YAF2: variants seen among roughly 807,000 people sequenced by gnomAD.
The protein encoded by YAF2 is YY1 associated factor 2.
Under a neutral mutation model 20.1 loss-of-function variants are expected in YAF2, and 7 were observed. The observed-to-expected ratio is 0.35, with a 90% CI of 0.20 to 0.65. The LOEUF (loss-of-function observed/expected upper bound fraction) is 0.65. Among genes scored for constraint, YAF2 ranks in the 30% least tolerant of loss-of-function variants. The pLI, the probability that YAF2 is intolerant of heterozygous loss-of-function variation, is 0.69. For missense variants in YAF2, 151 were observed against 219.2 expected, an observed-to-expected ratio of 0.69 and a Z score of 1.96; for synonymous variants, 74 against 76.0, an observed-to-expected ratio of 0.97 and a Z score of 0.14.
At chr12:42,235,203 T>C (rs1160087171) in intron 2 of YAF2, 1 of 991,088 alleles carries the variant, frequency 1.0e-6, no homozygotes, top group Non-Finnish European at 1.2e-6. Flanking sequence ...GCAAACTGCA[T>C]CCTTCTGCTC....
intron 2 of YAF2, among the ~76,000 whole-genome samples, chr12:42,196,149 G>A (rs1342094360): frequency 6.8e-6 from 1 of 147,698 alleles, no homozygotes; most frequent in African/African-American, 2.5e-5. Context: ...TTGAGCCCAA[G>A]AGGTGGAGGT....
chr12:42,218,449 T>C (rs948614464), intron 2 of YAF2, among the ~76,000 whole-genome samples: 1 of 152,194 alleles, frequency 6.6e-6, no homozygotes. Flanking sequence ...TTGCCTATTT[T>C]ATTGTGTAAA....
At chr12:42,229,432 A>AC (rs886265933) in intron 2 of YAF2, among the ~76,000 whole-genome samples, 8 of 151,544 alleles carry the variant, frequency 5.3e-5, no homozygotes, top group Admixed American at 1.3e-4. Flanking sequence ...AAAAAAAAAA[A>AC]AAAACATTTA....
rs146054373 is a variant in YAF2 at position 42,218,472 on chromosome 12, T to C, written c.152+19127A>G. 5.0e-4 allele frequency among the ~76,000 whole-genome samples: 76 copies of C among 152,168 alleles called. 2 individuals carry two copies. Among genetic ancestry groups the C allele is most frequent in the African/African-American group, 1.8e-3 (75 of 41,444 alleles). On this transcript the variant is annotated intron_variant, in intron 2 of 3. Coordinates refer to ENST00000534854, the MANE Select transcript of YAF2 (RefSeq NM_005748.6). Reference sequence around the variant, plus strand: ...TTTATTGTGTAAAGTGGCCTATGAATTGTTGTTTTTATCTGTTTCTCAAAT... The same window carrying C: ...TTTATTGTGTAAAGTGGCCTATGAACTGTTGTTTTTATCTGTTTCTCAAAT...
chr12:42,230,998 C>T (rs1197267830), intron 2 of YAF2, among the ~76,000 whole-genome samples: 1 of 152,108 alleles, frequency 6.6e-6, no homozygotes, highest in East Asian at 1.9e-4. Context: ...AAAAGAATAC[C>T]TGCTGAAGTA....
intron 2 of YAF2, among the ~76,000 whole-genome samples, chr12:42,169,183 G>A (rs1486631350): frequency 6.6e-6 from 1 of 152,122 alleles, no homozygotes; most frequent in Non-Finnish European, 1.5e-5. Context: ...AAAACCAAAA[G>A]ACAGCTTTCA....
intron 2 of YAF2, among the ~76,000 whole-genome samples, chr12:42,227,208 G>A (rs998449436): frequency 6.9e-4 from 98 of 142,030 alleles, no homozygotes; most frequent in Middle Eastern, 7.1e-3. Flanking sequence ...AGGAGCAGCC[G>A]CCTGCCTTGG....
intron 2 of YAF2, among the ~76,000 whole-genome samples, chr12:42,169,106 C>T (rs1353815572): frequency 6.6e-6 from 1 of 152,152 alleles, no homozygotes; most frequent in Non-Finnish European, 1.5e-5. Context: ...TCCTTGTCTT[C>T]ACTTCTACCT....
intron 2 of YAF2, among the ~76,000 whole-genome samples, chr12:42,223,023 A>C (rs1337921182): frequency 6.6e-6 from 1 of 151,598 alleles, no homozygotes; most frequent in Non-Finnish European, 1.5e-5. Flanking sequence ...TCACTTGTGC[A>C]GTGCTTTACT....
At chr12:42,207,662 G>A (rs1350596220) in intron 2 of YAF2, among the ~76,000 whole-genome samples, 4 of 152,206 alleles carry the variant, frequency 2.6e-5, no homozygotes, top group Admixed American at 6.5e-5. Context: ...GGAGGCCGAG[G>A]CGGGCAGATC....
At chr12:42,193,841 G>A (rs1394378457) in intron 2 of YAF2, among the ~76,000 whole-genome samples, 4 of 152,100 alleles carry the variant, frequency 2.6e-5, no homozygotes, top group East Asian at 1.9e-4. Flanking sequence ...CTCCATGCAT[G>A]TTATTACTCC....
chr12:42,187,644 T>C (rs1592202684), intron 2 of YAF2, among the ~76,000 whole-genome samples: 1 of 152,314 alleles, frequency 6.6e-6, no homozygotes, highest in Non-Finnish European at 1.5e-5. Context: ...TTCTCTTTTA[T>C]AAAACAGTAA....
At chr12:42,226,870 C>T (rs1370338809) in intron 2 of YAF2, among the ~76,000 whole-genome samples, 1 of 150,618 alleles carries the variant, frequency 6.6e-6, no homozygotes, top group African/African-American at 2.4e-5. Flanking sequence ...CCGGAGGCCC[C>T]AGAAGGCTCG....
intron 2 of YAF2, among the ~76,000 whole-genome samples, chr12:42,226,818 T>C (rs956741989): frequency 1.3e-5 from 2 of 152,026 alleles, no homozygotes; most frequent in Non-Finnish European, 2.9e-5. Context: ...GAAACATTAA[T>C]TGAAAACATT....
At chr12:42,179,831 T>C (rs1220727410) in intron 2 of YAF2, among the ~76,000 whole-genome samples, 4 of 144,994 alleles carry the variant, frequency 2.8e-5, no homozygotes, top group Non-Finnish European at 3.0e-5. Flanking sequence ...TATTAAAAGA[T>C]GTTATTTGAT....
chr12:42,236,167 A>T (rs959518338), intron 2 of YAF2, among the ~76,000 whole-genome samples: 1 of 152,230 alleles, frequency 6.6e-6, no homozygotes, highest in Non-Finnish European at 1.5e-5. Flanking sequence ...AAAATTGCTT[A>T]TTGAGCATTT....
intron 2 of YAF2, among the ~76,000 whole-genome samples, chr12:42,204,997 T>C (rs1170078911): frequency 6.6e-6 from 1 of 151,958 alleles, no homozygotes; most frequent in African/African-American, 2.4e-5. Flanking sequence ...ACCTACTGAA[T>C]TGTACATTTT....
At chr12:42,196,677 A>G (rs749434961) in intron 2 of YAF2, among the ~76,000 whole-genome samples, 1 of 152,260 alleles carries the variant, frequency 6.6e-6, no homozygotes, top group Non-Finnish European at 1.5e-5. Context: ...TAAATGGTGC[A>G]AACTGTTGCA....
chr12:42,169,284 T>G (rs1170737989), intron 2 of YAF2, among the ~76,000 whole-genome samples: 1 of 152,234 alleles, frequency 6.6e-6, no homozygotes, highest in Non-Finnish European at 1.5e-5. Flanking sequence ...TTATTCCTCT[T>G]CCTACCTTCT....
Sources: gnomAD v4.1 joint callset for allele counts (sites outside exome capture counted in the v4.1 genomes callset) on GRCh38, gnomAD v4.1.1 for gene constraint, MANE v1.5 for transcripts, NCBI Gene and HGNC (gene_info 2026-07-23, HGNC 2026-07-21) for gene names.